The following ZFP2 variants were observed in gnomAD, a reference collection of about 807,000 sequenced individuals.
The protein encoded by ZFP2 is ZFP2 zinc finger protein, also known as zinc finger protein ZFP2.
Under a neutral mutation model 36.1 loss-of-function variants are expected in ZFP2, and 33 were observed. The observed-to-expected ratio is 0.92, with a 90% CI of 0.69 to 1.22. The LOEUF (loss-of-function observed/expected upper bound fraction) is 1.22. Ranked by LOEUF, ZFP2 falls within the 50% of genes most tolerant of loss-of-function variation. The pLI, the probability that ZFP2 is intolerant of heterozygous loss-of-function variation, is 0.00. For missense variants in ZFP2, 522 were observed against 551.4 expected (o/e 0.95, Z 0.53); for synonymous variants, 170 against 178.0 (o/e 0.96, Z 0.36).
rs1243691916 is a variant in ZFP2, at chr5:178,895,957, C to CGCTCCT, written c.-463_-458dup. On this transcript the variant is annotated 5_prime_UTR_variant, in exon 1 of 5. Transcript: ENST00000361362. ...CGGCTGTGTCGGTCGCCGCTGCTCC[C>CGCTCCT]GCTCCTGCTGGGAGAGGGTGAGTGC... 2 of 152,392 alleles carry CGCTCCT rather than the reference C, an allele frequency of 1.3e-5. No individual in the cohort carries two copies. Among genetic ancestry groups the CGCTCCT allele is most frequent in the Non-Finnish European group, 2.9e-5 (2 of 68,176 alleles). The allele number at this position is 152,392 out of a possible 1,614,324, so 9.4% of individuals were successfully genotyped here.
intron 1 of ZFP2, among the ~76,000 whole-genome samples, chr5:178,905,471 T>C (rs987099723): frequency 6.6e-6 from 1 of 152,224 alleles, no homozygotes; most frequent in Non-Finnish European, 1.5e-5. Flanking sequence ...TACTTATAAA[T>C]TATGCTTTCA....
At chr5:178,922,165 C>T in intron 4 of ZFP2, 1 of 1,129,904 alleles carries the variant, frequency 8.9e-7, no homozygotes, top group Non-Finnish European at 1.4e-6. Context: ...TGGAGAACTC[C>T]TCAATATTGG....
chr5:178,897,495 G>C (rs1757967548), intron 1 of ZFP2, among the ~76,000 whole-genome samples: 1 of 152,118 alleles, frequency 6.6e-6, no homozygotes, highest in Non-Finnish European at 1.5e-5. Context: ...TGTCCCACGA[G>C]ATTACAAAAA....
intron 1 of ZFP2, among the ~76,000 whole-genome samples, chr5:178,910,851 G>A (rs111335029): frequency 2.6e-5 from 4 of 152,090 alleles, no homozygotes; most frequent in African/African-American, 2.4e-5. Context: ...CACTGCCACC[G>A]CCTCCTTCAT....
intron 1 of ZFP2, among the ~76,000 whole-genome samples, chr5:178,896,348 G>A (rs1757938170): frequency 6.6e-6 from 1 of 152,228 alleles, no homozygotes; most frequent in Non-Finnish European, 1.5e-5. Flanking sequence ...TCGGACCCGG[G>A]TTCCTCCCTG....
At position 178,932,918 on chromosome 5, in the gene ZFP2, C is replaced by T. The variant is rs1233088584; in HGVS notation, c.*219C>T. ...CCTTTATATCAGAAGGTTTAAATAGCTAATATAAACAATGAAGAGTCATGC... is the reference window on the plus strand; with the variant it reads ...CCTTTATATCAGAAGGTTTAAATAGTTAATATAAACAATGAAGAGTCATGC... On this transcript the variant is annotated 3_prime_UTR_variant, in exon 5 of 5. Coordinates refer to ENST00000361362, the MANE Select transcript of ZFP2 (RefSeq NM_030613.4). The T allele has an allele frequency of 1.9e-6, 1 of 538,666 alleles. No individual in the cohort carries two copies. The highest frequency in any genetic ancestry group is 3.4e-5 in the East Asian group (1 of 29,318). 33.4% of individuals were successfully genotyped at this position (538,666 alleles called of 1,614,324 possible).
At position 178,916,960 on chromosome 5, in the gene ZFP2, G is replaced by A. The variant is rs181976124; in HGVS notation, c.-78+250G>A. On this transcript the variant is annotated intron_variant, in intron 4 of 4. Transcript: ENST00000361362. ...TTTCTCTGTACTAAAGCTTTGTACA[G>A]TTGAAAGCATTGTTAGATTTTTGCT... Among the ~76,000 whole-genome samples the A allele has an allele frequency of 2.6e-5, 4 of 152,266 alleles. No homozygotes were observed. The East Asian group carries it at 7.7e-4, about 29-fold the overall frequency.
In ZFP2 at chr5:178,925,984, C is replaced by G. The variant is rs1373362315; in HGVS notation, c.-77-5253C>G. On this transcript the variant is annotated intron_variant, in intron 4 of 4. Transcript: ENST00000361362. ...CACCTCAGCCTCCGAGTAGCTGAGA[C>G]CACATGTGTGCGCCACCATGATCTG... Among the ~76,000 whole-genome samples, 30 of 148,686 alleles carry G rather than the reference C, an allele frequency of 2.0e-4. 1 individual carries two copies. The Admixed American group carries it at 2.0e-3, about 10-fold the overall frequency.
chr5:178,924,801 T>C (rs1349756674), intron 4 of ZFP2, among the ~76,000 whole-genome samples: 1 of 148,510 alleles, frequency 6.7e-6, no homozygotes, highest in African/African-American at 2.4e-5. Flanking sequence ...TAAGCCGAGA[T>C]TGCGCCATTG....
In ZFP2 at chr5:178,932,628, C is replaced by T. The variant is rs780747431; in HGVS notation, c.1315C>T (p.Gln439Ter). The T allele has an allele frequency of 6.2e-7, 1 of 1,613,850 alleles. No individual in the cohort carries two copies. The highest frequency in any genetic ancestry group is 1.1e-5 in the South Asian group (1 of 91,020). ...AACTCATACAGGAGAGAAACCCTATCAGTGTAATGAATGCGGAAAAGCCTT... is the reference window on the plus strand; with the variant it reads ...AACTCATACAGGAGAGAAACCCTATTAGTGTAATGAATGCGGAAAAGCCTT... ...QRTHTGEKPY[Q>*]CNECGKAFSR... The change falls in exon 5 of 5, where the codon CAG (glutamine) becomes TAG (stop). Residue 439 changes from glutamine to a stop codon, truncating the protein, a stop_gained. Transcript: ENST00000361362. LOFTEE classifies it high-confidence loss of function.
intron 1 of ZFP2, among the ~76,000 whole-genome samples, chr5:178,908,266 G>A (rs1225625359): frequency 1.3e-5 from 2 of 152,022 alleles, no homozygotes; most frequent in Admixed American, 6.6e-5. Flanking sequence ...GGCTAACATG[G>A]TGAAACCCTG....
chr5:178,922,052 C>T, intron 4 of ZFP2: 1 of 820,774 alleles, frequency 1.2e-6, no homozygotes, highest in Non-Finnish European at 2.1e-6. Context: ...GCTAGCCACC[C>T]AAGAAAACAT....
At position 178,904,184 on chromosome 5, in the gene ZFP2, A is replaced by T. The variant is rs115022937; in HGVS notation, c.-450+8210A>T. ...GGTGAAGCATTTCATCCATCCATCC[A>T]CTCATTAAACATATTTAGCGCTTCT... is the stretch of plus-strand genomic sequence containing the variant. On this transcript the variant is annotated intron_variant, in intron 1 of 4. Coordinates refer to ENST00000361362, the MANE Select transcript of ZFP2 (RefSeq NM_030613.4). 9.9e-3 allele frequency among the ~76,000 whole-genome samples: 1,501 copies of T among 152,264 alleles called. 25 individuals are homozygous for T. The highest frequency in any genetic ancestry group is 0.034 in the African/African-American group (1,397 of 41,544).
chr5:178,920,011 C>G (rs1758521629), intron 4 of ZFP2, among the ~76,000 whole-genome samples: 1 of 151,898 alleles, frequency 6.6e-6, no homozygotes, highest in Non-Finnish European at 1.5e-5. Flanking sequence ...GCGTGGATTT[C>G]TTTGGGTTTA....
chr5:178,910,042 C>G (rs1472765552), intron 1 of ZFP2: 1 of 1,463,536 alleles, frequency 6.8e-7, no homozygotes, highest in Non-Finnish European at 9.6e-7. Context: ...TGCCCTTCTT[C>G]AGAGTCCAGG....
chr5:178,910,345 C>A lies in ZFP2; in HGVS notation c.-449-2239C>A, dbSNP rs1758266635. 4.5e-6 allele frequency: 5 copies of A among 1,109,042 alleles called. No homozygotes were observed. The Admixed American group carries it at 6.8e-5, about 15-fold the overall frequency. The allele number at this position is 1,109,042 out of a possible 1,614,324, so 68.7% of individuals were successfully genotyped here. On this transcript the variant is annotated intron_variant, in intron 1 of 4. Transcript: ENST00000361362. ...TCCTTGTAGCACCTGAACAGTTCTT[C>A]CAACCCCTGCAAGGAAGACTCCTCG...
intron 1 of ZFP2, 118 bp from the exon 2 acceptor site, chr5:178,912,466 C>A: frequency 1.2e-5 from 2 of 162,196 alleles, no homozygotes; most frequent in Non-Finnish European, 2.6e-5. Flanking sequence ...CAGACATTTT[C>A]TTCCATCTGG....
rs17593592 is a variant in ZFP2, at chr5:178,924,511, T to C, written c.-77-6726T>C. On this transcript the variant is annotated intron_variant, in intron 4 of 4. Transcript: ENST00000361362. ...CGTAACCACTGTGCCCTTCTGCTTC[T>C]CTTTTTAGTTAATAATGATAAAGAC... Among the ~76,000 whole-genome samples the C allele has an allele frequency of 4.6e-3, 681 of 149,014 alleles. 58 individuals are homozygous for C. Among genetic ancestry groups the C allele is most frequent in the Non-Finnish European group, 8.0e-3 (534 of 66,388 alleles).
intron 4 of ZFP2, among the ~76,000 whole-genome samples, chr5:178,924,715 T>A (rs1466236638): frequency 6.8e-6 from 1 of 147,582 alleles, no homozygotes; most frequent in Non-Finnish European, 1.5e-5. Flanking sequence ...GGTACATGCC[T>A]GTAGTCCCTG....
Sources: gnomAD v4.1 joint callset for allele counts (sites outside exome capture counted in the v4.1 genomes callset) on GRCh38, gnomAD v4.1.1 for gene constraint, MANE v1.5 for transcripts, NCBI Gene and HGNC (gene_info 2026-07-23, HGNC 2026-07-21) for gene names.